C6orf132: variants seen among roughly 807,000 people sequenced by gnomAD.
C6orf132 encodes the protein chromosome 6 open reading frame 132.
C6orf132 carries 43 observed loss-of-function variants against 65.3 expected under a neutral mutation model. The ratio of observed to expected loss-of-function variants is 0.66; its 90% confidence interval spans 0.52 to 0.85. The LOEUF (loss-of-function observed/expected upper bound fraction) is 0.85. C6orf132 is among the 40% of genes least tolerant of loss of function. The pLI, the probability that C6orf132 is intolerant of heterozygous loss-of-function variation, is 0.00. For missense variants in C6orf132, 1,488 were observed against 1,548.8 expected (o/e 0.96, Z 0.66); for synonymous variants, 631 against 654.1 (o/e 0.96, Z 0.54).
In C6orf132 at chr6:42,101,961, G is replaced by A. The variant is rs1392470702; in HGVS notation, c.*1800C>T. On this transcript the variant is annotated 3_prime_UTR_variant, in exon 5 of 5. Transcript: ENST00000341865. ...CTGGCCCCCACCAGCCTGCTCCTCT[G>A]AAATGGGCACTCTCCAGTCCTTCCT... The A allele has an allele frequency of 1.3e-5, 2 of 152,232 alleles. No homozygotes were observed. Among genetic ancestry groups the A allele is most frequent in the African/African-American group, 4.8e-5 (2 of 41,448 alleles). The allele number at this position is 152,232 out of a possible 1,614,324, so 9.4% of individuals were successfully genotyped here.
chr6:42,122,313 G>C (rs905823017), intron 2 of C6orf132, among the ~76,000 whole-genome samples: 7 of 152,312 alleles, frequency 4.6e-5, no homozygotes, highest in African/African-American at 1.7e-4. Context: ...CTCAGAGGGC[G>C]CACCACGTCC....
At position 42,101,489 on chromosome 6, in the gene C6orf132, G is replaced by C. The variant is rs1766280955; in HGVS notation, c.*2272C>G. 6.6e-6 allele frequency: 1 copy of C among 152,172 alleles called. No homozygotes were observed. The highest frequency in any genetic ancestry group is 1.5e-5 in the Non-Finnish European group (1 of 68,044). The allele number at this position is 152,172 out of a possible 1,614,324, so 9.4% of individuals were successfully genotyped here. A position where few individuals can be genotyped will look rare whatever the true frequency, so the allele number is the denominator to read the frequency against. ...CAGTCTATCCATACTAAGCACAGTG[G>C]CTTGTATCCAGTAGTTACCCAAATC... On this transcript the variant is annotated 3_prime_UTR_variant, in exon 5 of 5. Transcript: ENST00000341865.
At position 42,130,323 on chromosome 6, in the gene C6orf132, G is replaced by A. The variant is rs79340791; in HGVS notation, c.146-1545C>T. 1.4e-3 allele frequency among the ~76,000 whole-genome samples: 206 copies of A among 152,334 alleles called. 7 individuals carry two copies. In the East Asian group the frequency reaches 0.032, roughly 24 times the overall value. On this transcript the variant is annotated intron_variant, in intron 1 of 4. Coordinates refer to ENST00000341865, the MANE Select transcript of C6orf132 (RefSeq NM_001164446.3). ...AAGATCAGACAGGGCATGCGGGAGG[G>A]GAGCTGTAAGATCTGACTCAATGGG...
At chr6:42,140,627 C>T (rs529809508) in intron 1 of C6orf132, among the ~76,000 whole-genome samples, 3 of 152,320 alleles carry the variant, frequency 2.0e-5, no homozygotes, top group African/African-American at 7.2e-5. Context: ...AAATGGTCTA[C>T]TAAAAATCAT....
intron 1 of C6orf132, 118 bp downstream of exon 1, chr6:42,142,182 G>A: frequency 8.3e-7 from 1 of 1,206,590 alleles, no homozygotes; most frequent in South Asian, 1.5e-5. Context: ...GCTGCTCTCG[G>A]CCAGTCCGCA....
intron 2 of C6orf132, among the ~76,000 whole-genome samples, chr6:42,125,517 C>T (rs530143592): frequency 3.9e-5 from 6 of 152,162 alleles, no homozygotes; most frequent in African/African-American, 1.2e-4. Context: ...TAGCCAGCAC[C>T]GAGGGAACGA....
intron 2 of C6orf132, among the ~76,000 whole-genome samples, chr6:42,110,901 G>A (rs920668089): frequency 2.6e-5 from 4 of 152,174 alleles, no homozygotes; most frequent in Non-Finnish European, 5.9e-5. Context: ...TTACAAATAC[G>A]TTTTAGCCAC....
chr6:42,106,517 G>A lies in C6orf132; in HGVS notation c.1395C>T (p.Ser465=). 2.0e-6 allele frequency: 3 copies of A among 1,536,452 alleles called. No homozygotes were observed. The highest frequency in any genetic ancestry group is 3.3e-4 in the Middle Eastern group (2 of 5,984). ...GCTCGTTCCGCAGCTTTTCCATCTGGCTGGGGTCCCTCCAGTCCACAGGTG... is the reference window on the plus strand; with the variant it reads ...GCTCGTTCCGCAGCTTTTCCATCTGACTGGGGTCCCTCCAGTCCACAGGTG... The part of the protein sequence containing the change: ...SSAPVDWRDP[S]QMEKLRNELA... The change falls in exon 4 of 5, where the codon AGC becomes AGT. Residue 465 remains serine, a synonymous_variant. Coordinates refer to ENST00000341865, the MANE Select transcript of C6orf132 (RefSeq NM_001164446.3).
At position 42,107,300 on chromosome 6, in the gene C6orf132, G is replaced by A; in HGVS notation, c.612C>T (p.Ser204=). Residue 204 remains serine (S), a synonymous_variant, in exon 4 of 5, where the codon TCC becomes TCT. Transcript: ENST00000341865. The stretch of plus-strand genomic sequence containing the variant: ...CAGGAGGGGTGGGTATGGATGGGGA[G>A]GAAAGAGTGTGTGGTGGGGATAGGG... ...LEALSPPHTL[S]SPSIPTPPDF... is the part of the protein sequence containing the mutation. 1 of 1,357,834 alleles carries A rather than the reference G, an allele frequency of 7.4e-7. No homozygotes were observed. Among genetic ancestry groups the A allele is most frequent in the Non-Finnish European group, 9.6e-7 (1 of 1,043,280 alleles). The allele number at this position is 1,357,834 out of a possible 1,614,324, so 84.1% of individuals were successfully genotyped here.
chr6:42,120,627 T>A (rs1484342454), intron 2 of C6orf132, among the ~76,000 whole-genome samples: 1 of 150,754 alleles, frequency 6.6e-6, no homozygotes, highest in Non-Finnish European at 1.5e-5. Context: ...TTTTTTGGGG[T>A]TTTTTGTTTT....
chr6:42,133,664 A>G (rs1434538729), intron 1 of C6orf132, among the ~76,000 whole-genome samples: 1 of 152,102 alleles, frequency 6.6e-6, no homozygotes, highest in Non-Finnish European at 1.5e-5. Flanking sequence ...TGCAGTGATA[A>G]AATAGGGGTA....
intron 2 of C6orf132, among the ~76,000 whole-genome samples, chr6:42,111,371 C>T (rs1403220154): frequency 1.3e-5 from 2 of 151,154 alleles, no homozygotes; most frequent in Admixed American, 1.3e-4. Context: ...ACCTCTGCCT[C>T]CTGGGTTCAA....
rs145636227 is a variant in C6orf132 at position 42,127,438 on chromosome 6, G to A, written c.252+1234C>T. On this transcript the variant is annotated intron_variant, in intron 2 of 4. Transcript: ENST00000341865. ...TGCCTCTGTCCCATCTAGAATCTTAGGTCTGATTGTTGAAGTTGGACATAG... is the reference window on the plus strand; with the variant it reads ...TGCCTCTGTCCCATCTAGAATCTTAAGTCTGATTGTTGAAGTTGGACATAG... 1.2e-4 allele frequency among the ~76,000 whole-genome samples: 19 copies of A among 152,258 alleles called. No individual in the cohort carries two copies. The East Asian group carries it at 3.7e-3, about 29-fold the overall frequency.
intron 2 of C6orf132, among the ~76,000 whole-genome samples, chr6:42,120,308 G>A (rs1464369036): frequency 7.1e-6 from 1 of 141,194 alleles, no homozygotes; most frequent in Admixed American, 7.2e-5. Context: ...GTGCAGTGGC[G>A]CGATCTCGGC....
chr6:42,107,324 G>A lies in C6orf132; in HGVS notation c.588C>T (p.Ala196=), dbSNP rs1037502074. 1.1e-4 allele frequency: 145 copies of A among 1,282,640 alleles called. No individual in the cohort carries two copies. Among genetic ancestry groups the A allele is most frequent in the Non-Finnish European group, 1.4e-4 (134 of 976,494 alleles). 79.5% of individuals were successfully genotyped at this position (1,282,640 alleles called of 1,614,324 possible). A position where few individuals can be genotyped will look rare whatever the true frequency, so the allele number is the denominator to read the frequency against. The change falls in exon 4 of 5, where the codon GCC becomes GCT. Residue 196 remains alanine (A), a synonymous_variant. Transcript: ENST00000341865. ...MAPPPPPVLE[A]LSPPHTLSSP... ...AGGAAAGAGTGTGTGGTGGGGATAG[G>A]GCCTCCAATACTGGGGGTGGAGGTG...
At chr6:42,123,600 A>G (rs1178265928) in intron 2 of C6orf132, among the ~76,000 whole-genome samples, 2 of 151,250 alleles carry the variant, frequency 1.3e-5, no homozygotes, top group African/African-American at 2.4e-5. Context: ...AAGAAGAAAG[A>G]AGGAAGAAGA....
In C6orf132 at chr6:42,102,889, T is replaced by G; in HGVS notation, c.*872A>C. On this transcript the variant is annotated 3_prime_UTR_variant, in exon 5 of 5. Transcript: ENST00000341865. ...AAAAATGCCTTCTCCAAATCCCATA[T>G]GAGACCTGGCCATGTAAGGCCCCTA... 1 of 396,550 alleles carries G rather than the reference T, an allele frequency of 2.5e-6. No homozygotes were observed. The highest frequency in any genetic ancestry group is 6.3e-4 in the Middle Eastern group (1 of 1,580). 24.6% of individuals were successfully genotyped at this position (396,550 alleles called of 1,614,324 possible). A position where few individuals can be genotyped will look rare whatever the true frequency, so the allele number is the denominator to read the frequency against.
At chr6:42,122,148 C>A (rs2127476984) in intron 2 of C6orf132, among the ~76,000 whole-genome samples, 1 of 152,322 alleles carries the variant, frequency 6.6e-6, no homozygotes, top group African/African-American at 2.4e-5. Context: ...AAAGAGTGTC[C>A]ACCCATGAAG....
intron 2 of C6orf132, among the ~76,000 whole-genome samples, chr6:42,127,956 GCT>G (rs1766791244): frequency 3.6e-5 from 5 of 140,258 alleles, no homozygotes; most frequent in African/African-American, 1.3e-4. Context: ...ACGGAGTCTT[GCT>G]CTGTCACCCA....
Sources: gnomAD v4.1 joint callset for allele counts (sites outside exome capture counted in the v4.1 genomes callset) on GRCh38, gnomAD v4.1.1 for gene constraint, MANE v1.5 for transcripts, NCBI Gene and HGNC (gene_info 2026-07-23, HGNC 2026-07-21) for gene names.